LNX1: variants seen among roughly 807,000 people sequenced by gnomAD.
LNX1 encodes the protein E3 ubiquitin-protein ligase LNX.
A neutral mutation model predicts 68.4 loss-of-function variants in LNX1; 54 were observed. That is an observed-to-expected ratio of 0.79 (90% CI 0.63 to 0.99). The LOEUF (loss-of-function observed/expected upper bound fraction) is 0.99. Ranked by LOEUF, LNX1 falls within the 50% of genes least tolerant of loss-of-function variation. LNX1 has a pLI of 0.00. For synonymous variants in LNX1, 336 were observed against 350.0 expected (o/e 0.96, Z 0.45); for missense variants, 906 against 926.4 (o/e 0.98, Z 0.29).
At chr4:53,525,918 C>T (rs1727578366) in intron 2 of LNX1, among the ~76,000 whole-genome samples, 1 of 152,056 alleles carries the variant, frequency 6.6e-6, no homozygotes, top group Non-Finnish European at 1.5e-5. Flanking sequence ...TTAGGAAATA[C>T]CATCCTATAA....
At chr4:53,581,921 A>G (rs1199456667) in intron 1 of LNX1, among the ~76,000 whole-genome samples, 1 of 152,196 alleles carries the variant, frequency 6.6e-6, no homozygotes, top group Non-Finnish European at 1.5e-5. Flanking sequence ...TTATTTGAAT[A>G]CATTTTGATC....
rs199684639 is a variant in LNX1, at chr4:53,495,548, C to CTTTTTTTTT, written c.1350+466_1350+474dup. Among the ~76,000 whole-genome samples the CTTTTTTTTT allele has an allele frequency of 2.4e-4, 29 of 119,414 alleles. 1 individual carries two copies. Among genetic ancestry groups the CTTTTTTTTT allele is most frequent in the African/African-American group, 7.4e-4 (23 of 30,874 alleles). The allele number at this position is 119,414 out of a possible 152,430, so 78.3% of individuals were successfully genotyped here. On this transcript the variant is annotated intron_variant, in intron 6 of 10. Transcript: ENST00000263925. ...GATCCCTGGAGAATGCATGGCATAG[C>CTTTTTTTTT]TTTTTTTTTTTTTAAGATGGGTCTT...
intron 4 of LNX1, 66 bp downstream of exon 4, chr4:53,507,251 G>A (rs574167434): frequency 7.2e-5 from 111 of 1,532,530 alleles, no homozygotes; most frequent in South Asian, 2.2e-4. Context: ...ATCAGATTGC[G>A]TCATCCCTGA....
chr4:53,652,175 GTAT>G (rs1735135296), exon 1 of LNX1: 2 of 152,180 alleles, frequency 1.3e-5, no homozygotes, highest in South Asian at 4.1e-4. Context: ...TACCTTTGCT[GTAT>G]TGCGGATCAG....
chr4:53,469,713 C>T (rs1425863333), intron 9 of LNX1, among the ~76,000 whole-genome samples: 2 of 152,168 alleles, frequency 1.3e-5, no homozygotes, highest in East Asian at 1.9e-4. Context: ...CTATAAACAC[C>T]TCTATGCAAA....
At chr4:53,569,832 C>T (rs1216040897) in intron 2 of LNX1, among the ~76,000 whole-genome samples, 2 of 134,440 alleles carry the variant, frequency 1.5e-5, no homozygotes, top group African/African-American at 2.7e-5. Context: ...AAACAAACAA[C>T]CCCATCAAAA....
chr4:53,610,704 G>A (rs1355282950), intron 2 of LNX1, among the ~76,000 whole-genome samples: 31 of 72,310 alleles, frequency 4.3e-4, no homozygotes, highest in African/African-American at 1.6e-3. Context: ...CAAGACTCCC[G>A]TCTCAAAGAG....
intron 2 of LNX1, 34 bp from the exon 3 acceptor site, chr4:53,508,261 C>A (rs771249384): frequency 6.2e-7 from 1 of 1,600,706 alleles, no homozygotes; most frequent in Non-Finnish European, 8.5e-7. Flanking sequence ...TGAAGAAGAG[C>A]TTTGGCTCTG....
chr4:53,589,081 C>G (rs1732348020), intron 1 of LNX1, among the ~76,000 whole-genome samples: 2 of 152,186 alleles, frequency 1.3e-5, no homozygotes, highest in Admixed American at 1.3e-4. Context: ...AGACCAAACA[C>G]CCAGTCTGCC....
At chr4:53,514,671 C>T (rs544313769) in intron 2 of LNX1, among the ~76,000 whole-genome samples, 1 of 151,914 alleles carries the variant, frequency 6.6e-6, no homozygotes, top group South Asian at 2.1e-4. Context: ...GACAGTCAAA[C>T]CATATCAGGG....
intron 7 of LNX1, 124 bp from the exon 8 acceptor site, chr4:53,478,866 G>T (rs759368710): frequency 3.8e-5 from 34 of 887,788 alleles, no homozygotes; most frequent in Non-Finnish European, 5.0e-5. Flanking sequence ...CATAAATTAT[G>T]CAAAGTGCAT....
intron 1 of LNX1, among the ~76,000 whole-genome samples, chr4:53,643,845 T>G (rs1734780972): frequency 6.6e-6 from 1 of 152,162 alleles, no homozygotes; most frequent in Admixed American, 6.5e-5. Flanking sequence ...GTAAAAAGTT[T>G]GTTGGGGCCT....
chr4:53,465,210 T>C (rs1173063063), intron 9 of LNX1, among the ~76,000 whole-genome samples: 1 of 152,192 alleles, frequency 6.6e-6, no homozygotes, highest in Non-Finnish European at 1.5e-5. Context: ...CCAGTTTACA[T>C]CTTTAAAAAG....
At chr4:53,633,928 T>G (rs1734369124) in intron 1 of LNX1, among the ~76,000 whole-genome samples, 1 of 152,144 alleles carries the variant, frequency 6.6e-6, no homozygotes, top group Admixed American at 6.5e-5. Context: ...ACAAAGGGTC[T>G]CCTAGAGTTC....
chr4:53,609,620 T>C (rs1733388469), intron 2 of LNX1, among the ~76,000 whole-genome samples: 1 of 146,028 alleles, frequency 6.8e-6, no homozygotes, highest in Admixed American at 6.9e-5. Flanking sequence ...CTATATGTTA[T>C]AAATAGTATA....
At chr4:53,538,456 G>A (rs1728528564) in intron 2 of LNX1, among the ~76,000 whole-genome samples, 1 of 152,134 alleles carries the variant, frequency 6.6e-6, no homozygotes, top group Non-Finnish European at 1.5e-5. Context: ...CATGAGGGGT[G>A]GCATGAGACT....
chr4:53,477,589 A>G (rs915673183), intron 8 of LNX1, among the ~76,000 whole-genome samples: 6 of 152,174 alleles, frequency 3.9e-5, no homozygotes, highest in Non-Finnish European at 8.8e-5. Flanking sequence ...TGTTCTGTTA[A>G]CAAGTCATTT....
At chr4:53,570,076 C>G (rs865938912) in intron 2 of LNX1, among the ~76,000 whole-genome samples, 22 of 151,470 alleles carry the variant, frequency 1.5e-4, no homozygotes, top group African/African-American at 5.3e-4. Flanking sequence ...GGACTGTAAA[C>G]TAGTTCAACC....
chr4:53,557,345 G>T (rs1023007374), intron 2 of LNX1, among the ~76,000 whole-genome samples: 1 of 152,102 alleles, frequency 6.6e-6, no homozygotes, highest in African/African-American at 2.4e-5. Context: ...GGTGCTCAAG[G>T]CATGTTTCTT....
Sources: gnomAD v4.1 joint callset for allele counts (sites outside exome capture counted in the v4.1 genomes callset) on GRCh38, gnomAD v4.1.1 for gene constraint, MANE v1.5 for transcripts, NCBI Gene and HGNC (gene_info 2026-07-23, HGNC 2026-07-21) for gene names.